SNTG1: variants seen among roughly 807,000 people sequenced by gnomAD.
SNTG1 encodes gamma-1-syntrophin.
In SNTG1, 39 loss-of-function variants were observed where a neutral mutation model predicts 74.7. The ratio of observed to expected loss-of-function variants is 0.52; its 90% CI spans 0.40 to 0.68. The LOEUF (loss-of-function observed/expected upper bound fraction) is 0.68. Among genes scored for constraint, SNTG1 ranks in the 30% least tolerant of loss-of-function variants. SNTG1 has a pLI of 0.00. For synonymous variants in SNTG1, 254 were observed against 217.1 expected (o/e 1.17, Z -1.49); for missense variants, 685 against 609.5 (o/e 1.12, Z -1.30).
At chr8:50,084,414 C>T (rs955585741) in intron 1 of SNTG1, among the ~76,000 whole-genome samples, 3 of 152,052 alleles carry the variant, frequency 2.0e-5, no homozygotes, top group Admixed American at 1.3e-4. Context: ...GAGCCTAGGT[C>T]ACACCACTGC....
At chr8:50,214,823 C>T (rs920935221) in intron 2 of SNTG1, among the ~76,000 whole-genome samples, 19 of 152,080 alleles carry the variant, frequency 1.2e-4, no homozygotes, top group African/African-American at 4.3e-4. Context: ...CAAAAAATTG[C>T]AAGTGAGATG....
intron 1 of SNTG1, among the ~76,000 whole-genome samples, chr8:49,947,757 T>G (rs1221570629): frequency 6.6e-6 from 1 of 152,182 alleles, no homozygotes. Flanking sequence ...CTTAACATTT[T>G]ATAGGAAAAT....
intron 13 of SNTG1, among the ~76,000 whole-genome samples, chr8:50,621,972 G>A (rs2094925942): frequency 6.6e-6 from 1 of 152,148 alleles, no homozygotes; most frequent in South Asian, 2.1e-4. Context: ...ATATGGGCTA[G>A]GTGTCAAATG....
At chr8:50,072,360 T>TCTATTC (rs1821445324) in intron 1 of SNTG1, among the ~76,000 whole-genome samples, 1 of 152,222 alleles carries the variant, frequency 6.6e-6, no homozygotes, top group Non-Finnish European at 1.5e-5. Flanking sequence ...ACAGAGTGGT[T>TCTATTC]CTATTCCATT....
At chr8:50,712,318 A>C (rs1222802161) in intron 17 of SNTG1, among the ~76,000 whole-genome samples, 2 of 152,184 alleles carry the variant, frequency 1.3e-5, no homozygotes, top group Non-Finnish European at 2.9e-5. Context: ...CAGTTAAGAA[A>C]TTGGAAGTGA....
At chr8:50,568,235 G>GTGTGTGTGTGTGTA (rs2094527160) in intron 12 of SNTG1, among the ~76,000 whole-genome samples, 1 of 151,920 alleles carries the variant, frequency 6.6e-6, no homozygotes, top group Non-Finnish European at 1.5e-5. Flanking sequence ...GTTTGTGTGT[G>GTGTGTGTGTGTGTA]TGTGTGTGTG....
intron 1 of SNTG1, among the ~76,000 whole-genome samples, chr8:49,963,785 A>G (rs1479740950): frequency 1.3e-5 from 2 of 152,260 alleles, no homozygotes; most frequent in Non-Finnish European, 2.9e-5. Context: ...TTAAAACTTC[A>G]TGAAAATAGA....
intron 2 of SNTG1, among the ~76,000 whole-genome samples, chr8:50,240,263 A>G (rs1381083277): frequency 6.6e-6 from 1 of 152,204 alleles, no homozygotes; most frequent in Non-Finnish European, 1.5e-5. Flanking sequence ...TTGCTTTCAC[A>G]AGGATTCCAA....
chr8:50,157,153 T>A (rs992203107), intron 1 of SNTG1, among the ~76,000 whole-genome samples: 1 of 152,086 alleles, frequency 6.6e-6, no homozygotes, highest in Non-Finnish European at 1.5e-5. Context: ...AAAATAGATA[T>A]CAATATCTAT....
At chr8:50,719,573 C>T (rs2095482850) in intron 17 of SNTG1, among the ~76,000 whole-genome samples, 1 of 152,110 alleles carries the variant, frequency 6.6e-6, no homozygotes, top group Non-Finnish European at 1.5e-5. Flanking sequence ...TCTGTACCAA[C>T]AAAACAAAGT....
At chr8:50,671,395 A>C (rs1256358439) in intron 15 of SNTG1, among the ~76,000 whole-genome samples, 1 of 151,628 alleles carries the variant, frequency 6.6e-6, no homozygotes, top group East Asian at 1.9e-4. Flanking sequence ...ACATGAACAG[A>C]CACTTCTCAA....
chr8:50,108,503 CTATAAAGATGATACTG>C (rs560836721), intron 1 of SNTG1, among the ~76,000 whole-genome samples: 63 of 152,150 alleles, frequency 4.1e-4, no homozygotes, highest in African/African-American at 1.4e-3. Context: ...ATTTTCAATG[CTATAAAGATGATACTG>C]TACAAAAAGC....
chr8:50,007,028 A>G (rs1277299207), intron 1 of SNTG1, among the ~76,000 whole-genome samples: 1 of 152,100 alleles, frequency 6.6e-6, no homozygotes, highest in African/African-American at 2.4e-5. Flanking sequence ...TGTCTCTGGT[A>G]AATGGAATCA....
In SNTG1 at chr8:50,375,399, C is replaced by T. The variant is rs375766129; in HGVS notation, c.-27-18813C>T. 9.2e-5 allele frequency among the ~76,000 whole-genome samples: 14 copies of T among 151,542 alleles called. No individual in the cohort carries two copies. The East Asian group carries it at 1.6e-3, about 17-fold the overall frequency. On this transcript the variant is annotated intron_variant, in intron 2 of 18. Coordinates refer to ENST00000642720, the MANE Select transcript of SNTG1 (RefSeq NM_018967.5). ...CAAGAGTTTGTACATGGAACAGATA[C>T]GACTTACAGAGGAGCCAAGCAGAAG...
chr8:50,517,462 G>T (rs938734366), intron 9 of SNTG1, among the ~76,000 whole-genome samples: 1 of 151,892 alleles, frequency 6.6e-6, no homozygotes, highest in African/African-American at 2.4e-5. Flanking sequence ...AATGTAAATG[G>T]GCTAAATGCC....
intron 2 of SNTG1, among the ~76,000 whole-genome samples, chr8:50,251,632 ATTATTATATAATAAT>A (rs2129902814): frequency 6.6e-6 from 1 of 152,074 alleles, no homozygotes; most frequent in Non-Finnish European, 1.5e-5. Flanking sequence ...GACAAAGGAT[ATTATTATATAATAAT>A]TACATAACTA....
At chr8:50,021,953 AAT>A in intron 1 of SNTG1, among the ~76,000 whole-genome samples, 21 of 144,814 alleles carry the variant, frequency 1.5e-4, no homozygotes, top group South Asian at 2.2e-4. Flanking sequence ...AAAAAATAAA[AAT>A]AAAAATAAAA....
At chr8:50,128,233 T>C (rs993833858) in intron 1 of SNTG1, among the ~76,000 whole-genome samples, 5 of 152,104 alleles carry the variant, frequency 3.3e-5, no homozygotes, top group South Asian at 2.1e-4. Context: ...CCATTACTGA[T>C]GGTGAACAGG....
intron 8 of SNTG1, among the ~76,000 whole-genome samples, chr8:50,458,843 T>C (rs2093533036): frequency 6.6e-6 from 1 of 152,156 alleles, no homozygotes; most frequent in African/African-American, 2.4e-5. Flanking sequence ...AATTCGCAAA[T>C]ATTTTTTCCT....
Sources: gnomAD v4.1 joint callset for allele counts (sites outside exome capture counted in the v4.1 genomes callset) on GRCh38, gnomAD v4.1.1 for gene constraint, MANE v1.5 for transcripts, NCBI Gene and HGNC (gene_info 2026-07-23, HGNC 2026-07-21) for gene names.